PPFIA2: variants seen among roughly 807,000 people sequenced by gnomAD.
The protein encoded by PPFIA2 is PPFI scaffold protein A2, also known as liprin-alpha-2.
PPFIA2 carries 46 observed loss-of-function variants against 175.5 expected under a neutral mutation model. The ratio of observed to expected loss-of-function variants is 0.26; its 90% CI spans 0.21 to 0.34. The LOEUF (loss-of-function observed/expected upper bound fraction) is 0.34, where lower values mean the gene tolerates loss of function less well. Ranked by LOEUF, PPFIA2 falls within the 10% of genes least tolerant of loss-of-function variation. PPFIA2 has a pLI of 1.00. For missense variants in PPFIA2, 1,179 were observed against 1,506.1 expected (o/e 0.78, Z 3.60); for synonymous variants, 568 against 511.4 (o/e 1.11, Z -1.49).
intron 4 of PPFIA2, among the ~76,000 whole-genome samples, chr12:81,585,350 G>A (rs1450986778): frequency 1.3e-5 from 2 of 150,938 alleles, no homozygotes; most frequent in Non-Finnish European, 3.0e-5. Flanking sequence ...TACTGTAACT[G>A]TTTTACTTTA....
At chr12:81,692,071 C>T (rs747974294) in intron 3 of PPFIA2, among the ~76,000 whole-genome samples, 1 of 144,056 alleles carries the variant, frequency 6.9e-6, no homozygotes, top group Non-Finnish European at 1.5e-5. Flanking sequence ...CTCTTCCTCT[C>T]TCTCTCTCTC....
At chr12:81,639,334 C>T (rs7131731) in intron 4 of PPFIA2, among the ~76,000 whole-genome samples, 47,022 of 151,802 alleles carry the variant, frequency 0.31, 9,735 homozygotes, top group African/African-American at 0.59. Flanking sequence ...AGAAAAACAA[C>T]ATTTAGCACA....
chr12:81,525,971 TA>T (rs5799532), intron 4 of PPFIA2, among the ~76,000 whole-genome samples: 237 of 151,392 alleles, frequency 1.6e-3, no homozygotes, highest in Middle Eastern at 6.8e-3. Flanking sequence ...AGTCATTGGT[TA>T]AAAAAAAATA....
intron 4 of PPFIA2, among the ~76,000 whole-genome samples, chr12:81,596,940 C>G (rs2059312001): frequency 6.6e-6 from 1 of 151,972 alleles, no homozygotes; most frequent in African/African-American, 2.4e-5. Context: ...ATATCTACTG[C>G]CTACAGTTTG....
At chr12:81,354,590 C>G (rs1319943793) in intron 16 of PPFIA2, among the ~76,000 whole-genome samples, 1 of 152,112 alleles carries the variant, frequency 6.6e-6, no homozygotes, top group African/African-American at 2.4e-5. Context: ...AAGTATTGAG[C>G]CCTTCAAAGT....
At chr12:81,331,303 C>A (rs890075584) in intron 21 of PPFIA2, among the ~76,000 whole-genome samples, 8 of 152,136 alleles carry the variant, frequency 5.3e-5, no homozygotes, top group African/African-American at 1.9e-4. Flanking sequence ...ACAGGCTATA[C>A]CTATAGTCTA....
At chr12:81,443,555 G>A (rs868019842) in intron 6 of PPFIA2, among the ~76,000 whole-genome samples, 4 of 151,848 alleles carry the variant, frequency 2.6e-5, no homozygotes, top group African/African-American at 4.8e-5. Context: ...GTACTCACAC[G>A]ACCAGGTTAT....
intron 3 of PPFIA2, among the ~76,000 whole-genome samples, chr12:81,717,036 T>G (rs1922555): frequency 1.3e-5 from 2 of 151,444 alleles, no homozygotes; most frequent in Admixed American, 1.3e-4. Flanking sequence ...TAAGAATCCA[T>G]GAGATAGTGG....
chr12:81,586,710 C>T (rs910486238), intron 4 of PPFIA2, among the ~76,000 whole-genome samples: 8 of 151,706 alleles, frequency 5.3e-5, no homozygotes, highest in Admixed American at 4.0e-4. Flanking sequence ...TATATAAGCA[C>T]AAAATAATGT....
At chr12:81,337,049 G>A (rs1210300343) in intron 21 of PPFIA2, among the ~76,000 whole-genome samples, 1 of 152,092 alleles carries the variant, frequency 6.6e-6, no homozygotes. Flanking sequence ...CTTAACTAAA[G>A]TATCAGTGGG....
chr12:81,341,767 A>C (rs1199197037), intron 19 of PPFIA2, among the ~76,000 whole-genome samples: 1 of 152,116 alleles, frequency 6.6e-6, no homozygotes, highest in African/African-American at 2.4e-5. Context: ...ATCAGAATAT[A>C]AACTCTTTAC....
At chr12:81,325,006 G>T (rs551025696) in intron 22 of PPFIA2, among the ~76,000 whole-genome samples, 136 of 151,916 alleles carry the variant, frequency 9.0e-4, no homozygotes, top group African/African-American at 3.3e-3. Flanking sequence ...ATGATGATGA[G>T]AGCAGTGAAT....
At chr12:81,719,785 G>A (rs527270857) in intron 3 of PPFIA2, among the ~76,000 whole-genome samples, 1 of 151,396 alleles carries the variant, frequency 6.6e-6, no homozygotes, top group East Asian at 2.0e-4. Context: ...TTCAAAATGT[G>A]TTGTTTAAGT....
At chr12:81,713,234 A>G (rs1043917029) in intron 3 of PPFIA2, among the ~76,000 whole-genome samples, 1 of 151,158 alleles carries the variant, frequency 6.6e-6, no homozygotes, top group Non-Finnish European at 1.5e-5. Flanking sequence ...GCTTCAAAGC[A>G]AACTTATGAG....
intron 7 of PPFIA2, among the ~76,000 whole-genome samples, chr12:81,431,873 CCT>C (rs1178793448): frequency 2.6e-5 from 4 of 152,130 alleles, no homozygotes; most frequent in African/African-American, 9.7e-5. Flanking sequence ...CTCAGATCTG[CCT>C]CTCTCTGTCA....
At chr12:81,449,505 A>C (rs2052018059) in intron 5 of PPFIA2, among the ~76,000 whole-genome samples, 1 of 152,038 alleles carries the variant, frequency 6.6e-6, no homozygotes, top group Non-Finnish European at 1.5e-5. Context: ...AAAAAAACAA[A>C]AAAAAATCTG....
intron 3 of PPFIA2, among the ~76,000 whole-genome samples, chr12:81,727,248 T>C (rs1469030832): frequency 6.6e-6 from 1 of 151,344 alleles, no homozygotes; most frequent in African/African-American, 2.4e-5. Flanking sequence ...TAAAGGTTCA[T>C]GAGCACCTTC....
At chr12:81,627,558 G>A (rs1214397565) in intron 4 of PPFIA2, among the ~76,000 whole-genome samples, 1 of 152,052 alleles carries the variant, frequency 6.6e-6, no homozygotes, top group African/African-American at 2.4e-5. Context: ...TCACACATGG[G>A]ATATATCTAT....
chr12:81,273,780 C>T (rs537511888), intron 28 of PPFIA2, among the ~76,000 whole-genome samples: 1 of 152,102 alleles, frequency 6.6e-6, no homozygotes, highest in African/African-American at 2.4e-5. Context: ...GCCCACATCC[C>T]ACAGTCTTAT....
Sources: gnomAD v4.1 joint callset for allele counts (sites outside exome capture counted in the v4.1 genomes callset) on GRCh38, gnomAD v4.1.1 for gene constraint, MANE v1.5 for transcripts, NCBI Gene and HGNC (gene_info 2026-07-23, HGNC 2026-07-21) for gene names.